The following KALRN variants were observed in gnomAD, a reference collection of about 807,000 sequenced individuals.
KALRN encodes kalirin.
A neutral mutation model predicts 353.7 loss-of-function variants in KALRN; 70 were observed. That is an observed-to-expected ratio of 0.20 (90% confidence interval 0.16 to 0.24). The LOEUF is 0.24. Among genes scored for constraint, KALRN ranks in the 10% least tolerant of loss-of-function variants. The probability of loss-of-function intolerance (pLI) is 1.00; values close to 1 mark genes in which losing one functional copy is unlikely to be tolerated. For synonymous variants in KALRN, 1,391 were observed against 1,434.8 expected, an observed-to-expected ratio of 0.97 and a Z score of 0.69; for missense variants, 2,791 against 3,756.7, an observed-to-expected ratio of 0.74 and a Z score of 6.72.
intron 5 of KALRN, among the ~76,000 whole-genome samples, chr3:124,273,919 G>T (rs2074431238): frequency 1.3e-5 from 2 of 152,326 alleles, no homozygotes; most frequent in African/African-American, 4.8e-5. Flanking sequence ...GGCTCTCTGT[G>T]CAGCCATGTT....
At chr3:124,170,094 A>G (rs538972721) in intron 1 of KALRN, among the ~76,000 whole-genome samples, 1 of 152,296 alleles carries the variant, frequency 6.6e-6, no homozygotes, top group South Asian at 2.1e-4. Flanking sequence ...TGTACTTGGG[A>G]CGTGTGGTAA....
In KALRN at chr3:124,650,881, C is replaced by A. The variant is rs762353391; in HGVS notation, c.5738C>A (p.Pro1913His). The A allele has an allele frequency of 8.1e-6, 13 of 1,614,180 alleles. No homozygotes were observed. Among genetic ancestry groups the A allele is most frequent in the Non-Finnish European group, 1.0e-5 (12 of 1,180,012 alleles). Residue 1913 changes from proline to histidine, a missense_variant, in exon 38 of 60, where the codon CCC becomes CAC. Pro to His is a moderately conservative substitution (Grantham distance 77). Transcript: ENST00000682506. Reference sequence around the variant, plus strand: ...TGCCTGAATGAGGGGATGGCCCCACCCACACCTCCTAAAAACCCAGAAGAA... The same window carrying A: ...TGCCTGAATGAGGGGATGGCCCCACACACACCTCCTAAAAACCCAGAAGAA... ...AGCLNEGMAP[P>H]TPPKNPEEEQ...
intron 1 of KALRN, among the ~76,000 whole-genome samples, chr3:124,199,976 C>T (rs554575819): frequency 6.6e-6 from 1 of 152,160 alleles, no homozygotes; most frequent in Non-Finnish European, 1.5e-5. Flanking sequence ...GGTTTTTCAA[C>T]CTTCTCTGGT....
rs1252653101 is a variant in KALRN at position 124,391,139 on chromosome 3, T to C, written c.1963-3996T>C. ...AACCATCTACATGTATATATCAGCA[T>C]GGAGCAAGCAACCATTGCCAAGAAG... On this transcript the variant is annotated intron_variant, in intron 11 of 59. Coordinates refer to ENST00000682506, the MANE Select transcript of KALRN (RefSeq NM_001388419.1). Among the ~76,000 whole-genome samples, 3 of 151,978 alleles carry C rather than the reference T, an allele frequency of 2.0e-5. No homozygotes were observed. In the East Asian group the frequency reaches 5.8e-4, roughly 29 times the overall value.
chr3:124,275,609 A>G (rs2074627551), intron 5 of KALRN, among the ~76,000 whole-genome samples: 1 of 152,192 alleles, frequency 6.6e-6, no homozygotes, highest in Non-Finnish European at 1.5e-5. Context: ...CAGCATAGCT[A>G]TTCCAGGAAC....
intron 1 of KALRN, among the ~76,000 whole-genome samples, chr3:124,141,539 T>C (rs2066631101): frequency 6.6e-6 from 1 of 152,224 alleles, no homozygotes; most frequent in Non-Finnish European, 1.5e-5. Flanking sequence ...TTCCACAGAA[T>C]CCCCATTTAA....
At chr3:124,156,161 A>G (rs1366118393) in intron 1 of KALRN, among the ~76,000 whole-genome samples, 1 of 152,114 alleles carries the variant, frequency 6.6e-6, no homozygotes, top group Admixed American at 6.6e-5. Context: ...GGGGACTTGG[A>G]CCTGGTCTAG....
intron 1 of KALRN, among the ~76,000 whole-genome samples, chr3:124,144,070 G>T (rs1459393434): frequency 6.6e-6 from 1 of 151,996 alleles, no homozygotes; most frequent in Non-Finnish European, 1.5e-5. Flanking sequence ...TGACTCCCTA[G>T]CTACCCTATG....
intron 9 of KALRN, among the ~76,000 whole-genome samples, chr3:124,344,870 G>A (rs1374213383): frequency 6.6e-6 from 1 of 152,150 alleles, no homozygotes; most frequent in Admixed American, 6.5e-5. Flanking sequence ...ACATTTTAAA[G>A]AAAGCAAAGT....
At chr3:124,426,280 G>A (rs1026715895) in intron 15 of KALRN, among the ~76,000 whole-genome samples, 2 of 152,176 alleles carry the variant, frequency 1.3e-5, no homozygotes, top group Admixed American at 6.5e-5. Flanking sequence ...TAATTTAGAT[G>A]TCGGTATTGA....
intron 32 of KALRN, among the ~76,000 whole-genome samples, chr3:124,495,259 G>C: frequency 6.6e-6 from 1 of 152,124 alleles, no homozygotes; most frequent in East Asian, 1.9e-4. Flanking sequence ...TTGGCCTTCT[G>C]TATCGATAAG....
In KALRN at chr3:124,269,243, G is replaced by A. The variant is rs768503730; in HGVS notation, c.957G>A (p.Gln319=). The A allele has an allele frequency of 3.1e-6, 5 of 1,597,386 alleles. No homozygotes were observed. The highest frequency in any genetic ancestry group is 1.1e-5 in the South Asian group (1 of 90,146). Residue 319 remains glutamine (Q), a synonymous_variant, in exon 5 of 60, where the codon CAG becomes CAA. Transcript: ENST00000682506. ...GCTTTCAGCTGCGGCTCTTCGAGCA[G>A]GATGCTGAGAAGGTAGGAAGGGAAC... ...DQCFQLRLFE[Q]DAEKMFDWIS...
chr3:124,053,841 G>T (rs780502567), intron 1 of KALRN, among the ~76,000 whole-genome samples: 8 of 152,228 alleles, frequency 5.3e-5, no homozygotes, highest in Non-Finnish European at 8.8e-5. Flanking sequence ...CCTAGCAGAA[G>T]TGTTCCCTTT....
intron 6 of KALRN, among the ~76,000 whole-genome samples, chr3:124,316,103 C>T (rs912079024): frequency 7.9e-5 from 12 of 152,106 alleles, no homozygotes; most frequent in Admixed American, 2.6e-4. Context: ...ACCAGAGGCC[C>T]GGAAATGAGG....
chr3:124,644,026 A>G (rs2150014207), intron 37 of KALRN, among the ~76,000 whole-genome samples: 1 of 152,316 alleles, frequency 6.6e-6, no homozygotes, highest in Non-Finnish European at 1.5e-5. Context: ...AATTCCAAAT[A>G]CAATTTTATT....
At chr3:124,385,276 G>A (rs1024107486) in intron 11 of KALRN, among the ~76,000 whole-genome samples, 5 of 152,094 alleles carry the variant, frequency 3.3e-5, no homozygotes, top group Admixed American at 3.3e-4. Context: ...GGTGGTTTTC[G>A]GGGCATCTGC....
At chr3:124,460,074 G>A (rs912364688) in intron 23 of KALRN, among the ~76,000 whole-genome samples, 8 of 152,138 alleles carry the variant, frequency 5.3e-5, no homozygotes, top group African/African-American at 9.7e-5. Context: ...GGCTGTTTCC[G>A]TGCTCACGTG....
intron 34 of KALRN, among the ~76,000 whole-genome samples, chr3:124,621,537 T>C (rs1012415346): frequency 6.6e-6 from 1 of 152,246 alleles, no homozygotes; most frequent in Non-Finnish European, 1.5e-5. Flanking sequence ...TGAGCCAAGA[T>C]GCATCTGCCA....
intron 25 of KALRN, among the ~76,000 whole-genome samples, chr3:124,472,575 A>ATGTGTGTG (rs57265173): frequency 0.014 from 2,113 of 148,702 alleles, 19 homozygotes; most frequent in Non-Finnish European, 0.023. Flanking sequence ...GTGTGTGTAT[A>ATGTGTGTG]TGTGTGTGTG....
Sources: allele counts gnomAD v4.1 joint callset (sites outside exome capture counted in the v4.1 genomes callset), GRCh38; gene constraint gnomAD v4.1.1; transcripts MANE v1.5; gene names NCBI Gene and HGNC (gene_info 2026-07-23, HGNC 2026-07-21).